ADGRB3: variants seen among roughly 807,000 people sequenced by gnomAD.
ADGRB3 encodes the protein brain-specific angiogenesis inhibitor 3.
ADGRB3 carries 37 observed loss-of-function variants against 193.4 expected under a neutral mutation model. The ratio of observed to expected loss-of-function variants is 0.19; its 90% CI spans 0.15 to 0.25. The LOEUF (loss-of-function observed/expected upper bound fraction) is 0.25, where lower values mean the gene tolerates loss of function less well. Among genes scored for constraint, ADGRB3 ranks in the 10% least tolerant of loss-of-function variants. The probability of loss-of-function intolerance (pLI) is 1.00; values close to 1 mark genes in which losing one functional copy is unlikely to be tolerated. For synonymous variants in ADGRB3, 690 were observed against 644.2 expected, an observed-to-expected ratio of 1.07 and a Z score of -1.08; for missense variants, 1,637 against 1,852.9, an observed-to-expected ratio of 0.88 and a Z score of 2.14.
intron 6 of ADGRB3, among the ~76,000 whole-genome samples, chr6:68,947,084 C>G (rs1767793622): frequency 6.6e-6 from 1 of 152,076 alleles, no homozygotes; most frequent in Non-Finnish European, 1.5e-5. Context: ...CATCCCCTGT[C>G]TGAGAACAGG....
intron 17 of ADGRB3, among the ~76,000 whole-genome samples, chr6:69,176,911 C>T (rs1056655603): frequency 6.6e-6 from 1 of 152,116 alleles, no homozygotes; most frequent in African/African-American, 2.4e-5. Flanking sequence ...TCTAGTTTGT[C>T]TGCATATAGG....
intron 4 of ADGRB3, among the ~76,000 whole-genome samples, chr6:68,935,423 A>G (rs961621182): frequency 6.6e-6 from 1 of 152,212 alleles, no homozygotes; most frequent in African/African-American, 2.4e-5. Context: ...ATCATATTCT[A>G]TCCTTTGAAT....
chr6:68,984,646 G>T (rs1056758199), intron 10 of ADGRB3, among the ~76,000 whole-genome samples: 1 of 151,952 alleles, frequency 6.6e-6, no homozygotes, highest in African/African-American at 2.4e-5. Flanking sequence ...TTTTAAATGA[G>T]AAATATTATA....
intron 3 of ADGRB3, among the ~76,000 whole-genome samples, chr6:68,916,235 A>G (rs1476688541): frequency 6.6e-6 from 1 of 152,218 alleles, no homozygotes; most frequent in Non-Finnish European, 1.5e-5. Flanking sequence ...TAAACATACA[A>G]TTACTAAAAT....
At chr6:68,935,616 A>G (rs759090130) in intron 4 of ADGRB3, among the ~76,000 whole-genome samples, 7 of 152,138 alleles carry the variant, frequency 4.6e-5, no homozygotes, top group Non-Finnish European at 8.8e-5. Flanking sequence ...CTTTGGAGAA[A>G]ACAACTGCAA....
At chr6:68,892,200 T>C (rs566808706) in intron 3 of ADGRB3, among the ~76,000 whole-genome samples, 1 of 152,186 alleles carries the variant, frequency 6.6e-6, no homozygotes, top group East Asian at 1.9e-4. Flanking sequence ...CTCTAAACTA[T>C]AGTTTGGAAC....
intron 3 of ADGRB3, among the ~76,000 whole-genome samples, chr6:68,672,790 A>G (rs1470069021): frequency 1.3e-5 from 2 of 152,058 alleles, no homozygotes; most frequent in Admixed American, 1.3e-4. Flanking sequence ...AAGTTAGTAG[A>G]CTTTCATTAA....
intron 17 of ADGRB3, among the ~76,000 whole-genome samples, chr6:69,103,589 A>G (rs1773127669): frequency 6.6e-6 from 1 of 151,954 alleles, no homozygotes; most frequent in Non-Finnish European, 1.5e-5. Flanking sequence ...TCTTTCATCT[A>G]TCTTAAAGTG....
At chr6:68,819,420 C>T (rs1767705527) in intron 3 of ADGRB3, among the ~76,000 whole-genome samples, 1 of 151,816 alleles carries the variant, frequency 6.6e-6, no homozygotes, top group South Asian at 2.1e-4. Context: ...CTTTATTAGC[C>T]TGCCTTTCTT....
intron 17 of ADGRB3, among the ~76,000 whole-genome samples, chr6:69,100,971 G>A (rs1235820071): frequency 4.2e-5 from 3 of 71,458 alleles, no homozygotes; most frequent in African/African-American, 1.1e-4. Flanking sequence ...GGGAGAAAGG[G>A]AAGGAAGGAA....
chr6:68,947,224 G>T (rs905560942), intron 6 of ADGRB3, among the ~76,000 whole-genome samples: 1 of 151,882 alleles, frequency 6.6e-6, no homozygotes, highest in Non-Finnish European at 1.5e-5. Context: ...TTATGGAAAG[G>T]TGCATGTTTG....
chr6:68,649,663 T>A (rs966474269), intron 3 of ADGRB3, among the ~76,000 whole-genome samples: 2 of 152,192 alleles, frequency 1.3e-5, no homozygotes, highest in African/African-American at 4.8e-5. Flanking sequence ...TATCTTGGAT[T>A]TTTACTTTAT....
chr6:68,790,747 C>T (rs928792487), intron 3 of ADGRB3, among the ~76,000 whole-genome samples: 12 of 152,116 alleles, frequency 7.9e-5, no homozygotes, highest in Admixed American at 5.2e-4. Flanking sequence ...AGAAGGAAAA[C>T]TAACAAACAG....
intron 20 of ADGRB3, among the ~76,000 whole-genome samples, chr6:69,299,058 T>C (rs754620503): frequency 4.6e-5 from 7 of 151,972 alleles, no homozygotes; most frequent in Non-Finnish European, 1.0e-4. Flanking sequence ...TGCCTGTCTT[T>C]TGGATAAAAG....
chr6:68,982,834 C>T (rs933117357), intron 10 of ADGRB3, among the ~76,000 whole-genome samples: 4 of 152,044 alleles, frequency 2.6e-5, no homozygotes, highest in African/African-American at 9.7e-5. Context: ...ATCTTTCTAC[C>T]CGAGAGGTGC....
chr6:68,746,810 ATAATT>A (rs1446036194), intron 3 of ADGRB3, among the ~76,000 whole-genome samples: 2 of 152,006 alleles, frequency 1.3e-5, no homozygotes, highest in Non-Finnish European at 2.9e-5. Context: ...TTGTTTGGAG[ATAATT>A]TGATTTCTAC....
At chr6:69,353,454 A>G (rs568116301) in intron 26 of ADGRB3, among the ~76,000 whole-genome samples, 1 of 152,326 alleles carries the variant, frequency 6.6e-6, no homozygotes, top group Admixed American at 6.5e-5. Flanking sequence ...CTACTCAAAG[A>G]TTTCTTACAT....
chr6:69,212,468 T>C lies in ADGRB3; in HGVS notation c.2481-20822T>C, dbSNP rs529330474. On this transcript the variant is annotated intron_variant, in intron 17 of 31. Transcript: ENST00000370598. ...TAAATTACACAATTTTCAAAAAGAT[T>C]TTAAGGTTAAAGATGATTATTCATT... 1.6e-4 allele frequency among the ~76,000 whole-genome samples: 25 copies of C among 152,220 alleles called. No individual in the cohort carries two copies. The South Asian group carries it at 5.0e-3, about 30-fold the overall frequency.
At chr6:68,886,735 C>A (rs908622269) in intron 3 of ADGRB3, among the ~76,000 whole-genome samples, 2 of 152,004 alleles carry the variant, frequency 1.3e-5, no homozygotes, top group African/African-American at 4.8e-5. Flanking sequence ...TCATGTTTTA[C>A]CACATATCCT....
Sources: allele counts gnomAD v4.1 joint callset (sites outside exome capture counted in the v4.1 genomes callset), GRCh38; gene constraint gnomAD v4.1.1; transcripts MANE v1.5; gene names NCBI Gene and HGNC (gene_info 2026-07-23, HGNC 2026-07-21).